The following DMD variants were observed in gnomAD, a reference collection of about 807,000 sequenced individuals.
DMD encodes the protein dystrophin.
In DMD, 63 loss-of-function variants were observed where a neutral mutation model predicts 330.1. The ratio of observed to expected loss-of-function variants is 0.19; its 90% CI spans 0.16 to 0.24. The LOEUF is 0.24. Among genes scored for constraint, DMD ranks in the 10% least tolerant of loss-of-function variants. The probability of loss-of-function intolerance (pLI) is 1.00; values close to 1 mark genes in which losing one functional copy is unlikely to be tolerated. For synonymous variants in DMD, 1,223 were observed against 959.8 expected, an observed-to-expected ratio of 1.27 and a Z score of -5.07; for missense variants, 3,344 against 2,684.1, an observed-to-expected ratio of 1.25 and a Z score of -5.43.
chrX:31,806,861 C>G lies in DMD; in HGVS notation c.7309+13114G>C, dbSNP rs374754669. On this transcript the variant is annotated intron_variant, in intron 50 of 78. Coordinates refer to ENST00000357033, the MANE Select transcript of DMD (RefSeq NM_004006.3). Reference sequence around the variant, plus strand: ...AAGTGGTAACACCTCTGTTAACTCCCTTTTTATTTTACAGAAATTTTATTA... The same window carrying G: ...AAGTGGTAACACCTCTGTTAACTCCGTTTTTATTTTACAGAAATTTTATTA... Among the ~76,000 whole-genome samples, 3 of 112,469 alleles carry G rather than the reference C, an allele frequency of 2.7e-5. 1 individual carries two copies. In the East Asian group the frequency reaches 8.3e-4, roughly 31 times the overall value.
intron 12 of DMD, among the ~76,000 whole-genome samples, chrX:32,610,730 A>G (rs755429745): frequency 1.6e-4 from 18 of 111,291 alleles, no homozygotes; most frequent in Non-Finnish European, 3.2e-4. Context: ...TTTAATGTCT[A>G]TCTACACAAA....
intron 44 of DMD, among the ~76,000 whole-genome samples, chrX:32,189,776 T>C (rs961732740): frequency 9.0e-6 from 1 of 111,075 alleles, no homozygotes; most frequent in African/African-American, 3.3e-5. Context: ...GGCAAATATC[T>C]TCAGCAAAAT....
intron 48 of DMD, among the ~76,000 whole-genome samples, chrX:31,853,169 C>T (rs1483706452): frequency 8.9e-6 from 1 of 112,864 alleles, no homozygotes; most frequent in Non-Finnish European, 1.9e-5. Flanking sequence ...CAGGTGTGAG[C>T]CACTGCACCT....
intron 1 of DMD, 118 bp downstream of exon 1, chrX:33,211,164 T>C: frequency 1.1e-6 from 1 of 873,132 alleles, no homozygotes; most frequent in South Asian, 2.3e-5. Flanking sequence ...ATATATAACA[T>C]TTATGCTTCT....
intron 43 of DMD, among the ~76,000 whole-genome samples, chrX:32,230,030 G>A (rs887819220): frequency 1.8e-5 from 2 of 109,696 alleles, no homozygotes; most frequent in African/African-American, 3.3e-5. Context: ...TTACATTAGT[G>A]TCATTACGTC....
chrX:33,210,877 T>C (rs1457908051), intron 1 of DMD, among the ~76,000 whole-genome samples: 1 of 111,639 alleles, frequency 9.0e-6, no homozygotes, highest in Non-Finnish European at 1.9e-5. Context: ...ATTGAGAATA[T>C]ATGTCAGGTC....
intron 54 of DMD, among the ~76,000 whole-genome samples, chrX:31,632,852 G>C (rs940295942): frequency 1.8e-5 from 2 of 111,811 alleles, no homozygotes; most frequent in South Asian, 7.4e-4. Flanking sequence ...CTAGAATTTT[G>C]TCACCTATGG....
At chrX:31,870,383 A>G (rs1267841028) in intron 48 of DMD, among the ~76,000 whole-genome samples, 1 of 111,942 alleles carries the variant, frequency 8.9e-6, no homozygotes, top group African/African-American at 3.3e-5. Context: ...ATAGTGCCCC[A>G]ATCTGCTAGT....
intron 1 of DMD, among the ~76,000 whole-genome samples, chrX:33,108,617 T>G (rs2095312014): frequency 9.4e-6 from 1 of 106,327 alleles, no homozygotes; most frequent in Non-Finnish European, 1.9e-5. Flanking sequence ...GGCTCACCCC[T>G]GTAATCCCAG....
chrX:32,887,745 C>CCAAAAAAA (rs2084761890), intron 2 of DMD, among the ~76,000 whole-genome samples: 1 of 6,490 alleles, frequency 1.5e-4, no homozygotes, highest in Non-Finnish European at 3.1e-4. Flanking sequence ...AAGACTGTCT[C>CCAAAAAAA]AAAAAAAAAA....
At chrX:32,110,713 C>T (rs145635861) in intron 44 of DMD, among the ~76,000 whole-genome samples, 6 of 111,679 alleles carry the variant, frequency 5.4e-5, no homozygotes, top group Admixed American at 1.9e-4. Flanking sequence ...AGCAAAATTC[C>T]GATGTAGTCA....
chrX:31,659,515 T>C (rs2080988872), intron 53 of DMD, among the ~76,000 whole-genome samples: 1 of 107,715 alleles, frequency 9.3e-6, no homozygotes, highest in Admixed American at 9.9e-5. Flanking sequence ...GGTAGGCTCC[T>C]GTAATCCCAG....
intron 33 of DMD, among the ~76,000 whole-genome samples, chrX:32,384,049 C>T (rs538945274): frequency 9.1e-6 from 1 of 110,180 alleles, no homozygotes; most frequent in African/African-American, 3.3e-5. Flanking sequence ...TAAAGTCACA[C>T]AGGTCAAATT....
intron 1 of DMD, among the ~76,000 whole-genome samples, chrX:33,306,018 GA>G (rs2053757400): frequency 1.8e-5 from 2 of 111,890 alleles, no homozygotes; most frequent in Admixed American, 9.5e-5. Flanking sequence ...CATTTTCTAA[GA>G]ACTAGGCCTT....
At chrX:33,158,560 A>G (rs2048617229) in intron 1 of DMD, among the ~76,000 whole-genome samples, 1 of 111,786 alleles carries the variant, frequency 8.9e-6, no homozygotes, top group Admixed American at 9.5e-5. Flanking sequence ...GCCATAATAG[A>G]TAATCCTGAC....
chrX:32,522,638 A>T (rs1490877056), intron 17 of DMD, among the ~76,000 whole-genome samples: 1 of 112,237 alleles, frequency 8.9e-6, no homozygotes, highest in Non-Finnish European at 1.9e-5. Context: ...GATCCTTTAT[A>T]ATCTGGCCTT....
At chrX:32,842,417 A>C (rs868394606) in intron 4 of DMD, among the ~76,000 whole-genome samples, 2 of 112,203 alleles carry the variant, frequency 1.8e-5, no homozygotes, top group Non-Finnish European at 1.9e-5. Flanking sequence ...AACAAACAAA[A>C]AAACCCACAC....
intron 9 of DMD, among the ~76,000 whole-genome samples, chrX:32,680,937 C>A (rs1450501984): frequency 1.8e-5 from 2 of 111,974 alleles, no homozygotes; most frequent in Non-Finnish European, 3.8e-5. Flanking sequence ...CCTTCTCTAG[C>A]CTTATTTATT....
chrX:32,698,011 G>A lies in DMD; in HGVS notation c.832-13C>T, dbSNP rs1333642183. The A allele has an allele frequency of 8.4e-7, 1 of 1,183,780 alleles. No individual in the cohort carries two copies. Among genetic ancestry groups the A allele is most frequent in the South Asian group, 1.9e-5 (1 of 53,844 alleles). On this transcript the variant is annotated splice_polypyrimidine_tract_variant and intron_variant, in intron 8 of 78. Coordinates refer to ENST00000357033, the MANE Select transcript of DMD (RefSeq NM_004006.3). Reference sequence around the variant, plus strand: ...GACTGACCGTGATCTGCAGAGAAGGGTTTGGGGGAGTGGATAGAGAGGAGG... The same window carrying A: ...GACTGACCGTGATCTGCAGAGAAGGATTTGGGGGAGTGGATAGAGAGGAGG...
Sources: allele counts gnomAD v4.1 joint callset (sites outside exome capture counted in the v4.1 genomes callset), GRCh38; gene constraint gnomAD v4.1.1; transcripts MANE v1.5; gene names NCBI Gene and HGNC (gene_info 2026-07-23, HGNC 2026-07-21).